EXOC3: variants seen among roughly 807,000 people sequenced by gnomAD.
The protein encoded by EXOC3 is SEC6-like 1.
EXOC3 carries 21 observed loss-of-function variants against 73.7 expected under a neutral mutation model. That is an observed-to-expected ratio of 0.29 (90% CI 0.20 to 0.41). The LOEUF (loss-of-function observed/expected upper bound fraction) is 0.41. Ranked by LOEUF, EXOC3 falls within the 10% of genes least tolerant of loss-of-function variation. The pLI is 1.00. For synonymous variants in EXOC3, 410 were observed against 389.1 expected, an observed-to-expected ratio of 1.05 and a Z score of -0.63; for missense variants, 842 against 985.1, an observed-to-expected ratio of 0.85 and a Z score of 1.95.
At chr5:466,128 T>G in intron 12 of EXOC3, 3 of 342,504 alleles carry the variant, frequency 8.8e-6, no homozygotes, top group South Asian at 3.4e-5. Context: ...CTGCTGTGTG[T>G]GGTGGGGAAG....
intron 1 of EXOC3, among the ~76,000 whole-genome samples, chr5:444,291 C>T (rs1342653006): frequency 1.3e-5 from 2 of 152,202 alleles, no homozygotes; most frequent in Non-Finnish European, 1.5e-5. Context: ...GAAGCCTCTG[C>T]GGTGCGTTTT....
intron 3 of EXOC3, among the ~76,000 whole-genome samples, chr5:450,778 T>C (rs1237519937): frequency 1.3e-5 from 2 of 151,722 alleles, no homozygotes; most frequent in East Asian, 1.9e-4. Flanking sequence ...CATATGGCCT[T>C]CTTTGTGACT....
chr5:453,547 A>G lies in EXOC3; in HGVS notation c.542A>G (p.Gln181Arg). Reference protein sequence around the residue: ...TLIHGYFGSTQGLSDELAKQL... With the variant: ...TLIHGYFGSTRGLSDELAKQL... Reference sequence around the variant, plus strand: ...ATCCATGGCTACTTTGGCAGCACGCAGGGGCTCTCTGATGAGCTGGCTAAG... The same window carrying G: ...ATCCATGGCTACTTTGGCAGCACGCGGGGGCTCTCTGATGAGCTGGCTAAG... The change falls in exon 4 of 13, where the codon CAG becomes CGG. Residue 181 changes from glutamine (Q) to arginine (R), a missense_variant. Transcript: ENST00000512944. 1.2e-6 allele frequency: 2 copies of G among 1,614,022 alleles called. No individual in the cohort carries two copies. The highest frequency in any genetic ancestry group is 1.7e-6 in the Non-Finnish European group (2 of 1,179,894).
chr5:463,443 T>C (rs1487172233), intron 9 of EXOC3, among the ~76,000 whole-genome samples: 1 of 152,182 alleles, frequency 6.6e-6, no homozygotes, highest in Non-Finnish European at 1.5e-5. Flanking sequence ...CTCGAAGCAA[T>C]GAATGCTCAA....
At chr5:466,471 C>T in intron 12 of EXOC3, 1 of 495,110 alleles carries the variant, frequency 2.0e-6, no homozygotes, top group East Asian at 3.1e-5. Flanking sequence ...TCTCCACGGT[C>T]TCCCCTCTGG....
rs540989367 is a variant in EXOC3, at chr5:465,281, C to G, written c.1938+9C>G. The G allele has an allele frequency of 2.1e-5, 33 of 1,571,000 alleles. No homozygotes were observed. The South Asian group carries it at 3.5e-4, about 17-fold the overall frequency. On this transcript the variant is annotated intron_variant, in intron 11 of 12. Transcript: ENST00000512944. ...TCCGGAAGCTGGCGTCCGTGAGTGT[C>G]GCGCAGGTCCGGGCTGGAGAAGGCC...
chr5:460,539 A>G (rs1737954301), intron 7 of EXOC3, among the ~76,000 whole-genome samples: 1 of 151,880 alleles, frequency 6.6e-6, no homozygotes, highest in Admixed American at 6.6e-5. Context: ...CTGGCCGCCC[A>G]TCCACAGGGG....
At chr5:454,107 G>C in intron 4 of EXOC3, 56 bp downstream of exon 4, 1 of 1,419,710 alleles carries the variant, frequency 7.0e-7, no homozygotes. Context: ...GTGTGAGAGG[G>C]GCCTGCAGCT....
intron 9 of EXOC3, among the ~76,000 whole-genome samples, chr5:463,684 TTTAA>T (rs1263378085): frequency 1.3e-5 from 2 of 152,256 alleles, no homozygotes; most frequent in African/African-American, 4.8e-5. Flanking sequence ...TTATTGGAGT[TTTAA>T]TTTGTATACT....
At chr5:450,641 C>T (rs905613214) in intron 3 of EXOC3, among the ~76,000 whole-genome samples, 7 of 152,188 alleles carry the variant, frequency 4.6e-5, no homozygotes, top group African/African-American at 1.7e-4. Context: ...AAGCCTCCGA[C>T]TATTACAGAA....
rs1177577110 is a variant in EXOC3, at chr5:447,586, C to A, written c.198C>A (p.His66Gln). ...TGCGCACAGGCCTCAGCCAGCTCCACAACGCCCTGAATGACGTCAAAGACA... is the reference window on the plus strand; with the variant it reads ...TGCGCACAGGCCTCAGCCAGCTCCAAAACGCCCTGAATGACGTCAAAGACA... The part of the protein sequence containing the change: ...DGVRTGLSQL[H>Q]NALNDVKDIQ... Residue 66 changes from histidine to glutamine, a missense_variant, in exon 3 of 13, where the codon CAC (histidine) becomes CAA (glutamine). Transcript: ENST00000512944. 1 of 1,591,536 alleles carries A rather than the reference C, an allele frequency of 6.3e-7. No individual in the cohort carries two copies. The highest frequency in any genetic ancestry group is 1.8e-5 in the Admixed American group (1 of 57,142).
intron 9 of EXOC3, among the ~76,000 whole-genome samples, chr5:463,511 T>C (rs1738047642): frequency 6.6e-6 from 1 of 152,150 alleles, no homozygotes; most frequent in Non-Finnish European, 1.5e-5. Flanking sequence ...TGTTCAGGCT[T>C]GTTGAGGGTG....
chr5:467,164 AGT>A lies in EXOC3; in HGVS notation c.*272_*273del, dbSNP rs1482656951. 2.1e-6 allele frequency: 1 copy of A among 486,464 alleles called. No homozygotes were observed. The highest frequency in any genetic ancestry group is 3.2e-5 in the East Asian group (1 of 31,040). 30.1% of individuals were successfully genotyped at this position (486,464 alleles called of 1,614,324 possible). A position where few individuals can be genotyped will look rare whatever the true frequency, so the allele number is the denominator to read the frequency against. On this transcript the variant is annotated 3_prime_UTR_variant, in exon 13 of 13. Coordinates refer to ENST00000512944, the MANE Select transcript of EXOC3 (RefSeq NM_007277.5). ...GTGCTTGTTTGTTGCAGTGGTTGAA[AGT>A]GTGTGGGGCACAGAGGACGTGCACC...
At chr5:460,171 T>C (rs2126584316) in intron 7 of EXOC3, among the ~76,000 whole-genome samples, 1 of 152,356 alleles carries the variant, frequency 6.6e-6, no homozygotes, top group East Asian at 1.9e-4. Flanking sequence ...GTTTGGGTTG[T>C]ATCTCAAGTG....
At chr5:451,310 C>T (rs11744539) in intron 3 of EXOC3, among the ~76,000 whole-genome samples, 40,378 of 152,110 alleles carry the variant, frequency 0.27, 7,003 homozygotes, top group Non-Finnish European at 0.39. Flanking sequence ...ACACAAAAAC[C>T]GTCCCTATAT....
rs1444053739 is a variant in EXOC3 at position 453,374 on chromosome 5, T to C, written c.369T>C (p.Pro123=). 1 of 1,569,544 alleles carries C rather than the reference T, an allele frequency of 6.4e-7. No individual in the cohort carries two copies. The highest frequency in any genetic ancestry group is 8.7e-7 in the Non-Finnish European group (1 of 1,155,212). The change falls in exon 4 of 13, where the codon CCT becomes CCC. Residue 123 remains proline (P), a synonymous_variant. Coordinates refer to ENST00000512944, the MANE Select transcript of EXOC3 (RefSeq NM_007277.5). ...TGTCTTGTGCCTTCTCCCTAGTGCC[T>C]GAGATTGTGAGGGAGACCCAGGACC... ...VENLKNIFSV[P]EIVRETQDLI... is the part of the protein sequence containing the mutation.
chr5:455,856 G>A (rs898142575), intron 4 of EXOC3, among the ~76,000 whole-genome samples: 1 of 151,962 alleles, frequency 6.6e-6, no homozygotes, highest in Non-Finnish European at 1.5e-5. Context: ...CGCCCGTCTC[G>A]GCTTCCCAAA....
chr5:464,893 C>G, intron 10 of EXOC3: 1 of 587,588 alleles, frequency 1.7e-6, no homozygotes, highest in South Asian at 2.1e-5. Context: ...TGCTGGGGGC[C>G]GGAGCTGGCC....
At chr5:454,695 G>T (rs755048727) in intron 4 of EXOC3, among the ~76,000 whole-genome samples, 65 of 152,250 alleles carry the variant, frequency 4.3e-4, no homozygotes, top group Non-Finnish European at 7.6e-4. Flanking sequence ...ATGGTGCAGT[G>T]GTGGGGGTAT....
Sources: allele counts gnomAD v4.1 joint callset (sites outside exome capture counted in the v4.1 genomes callset), GRCh38; gene constraint gnomAD v4.1.1; transcripts MANE v1.5; gene names NCBI Gene and HGNC (gene_info 2026-07-23, HGNC 2026-07-21).